DLGAP1: variants seen among roughly 807,000 people sequenced by gnomAD.
DLGAP1 encodes disks large-associated protein 1.
In DLGAP1, 11 loss-of-function variants were observed where a neutral mutation model predicts 90.8. That is an observed-to-expected ratio of 0.12 (90% confidence interval 0.08 to 0.20). The LOEUF (loss-of-function observed/expected upper bound fraction) is 0.20, where lower values mean the gene tolerates loss of function less well. Ranked by LOEUF, DLGAP1 falls within the 10% of genes least tolerant of loss-of-function variation. The pLI, the probability that DLGAP1 is intolerant of heterozygous loss-of-function variation, is 1.00. For synonymous variants in DLGAP1, 558 were observed against 540.7 expected (o/e 1.03, Z -0.44); for missense variants, 1,050 against 1,333.8 (o/e 0.79, Z 3.31).
At position 3,523,717 on chromosome 18, in the gene DLGAP1, T is replaced by G. The variant is rs181792701; in HGVS notation, c.2479+10477A>C. 5.2e-3 allele frequency among the ~76,000 whole-genome samples: 793 copies of G among 151,714 alleles called. 3 individuals carry two copies. The highest frequency in any genetic ancestry group is 0.015 in the South Asian group (71 of 4,802). On this transcript the variant is annotated intron_variant, in intron 10 of 12. Coordinates refer to ENST00000315677, the MANE Select transcript of DLGAP1 (RefSeq NM_004746.4). Reference sequence around the variant, plus strand: ...AAAAAATTAGCCAGGCGTGGTGGCGTGCGCCCGTAGTCCCAGCTACACTGG... The same window carrying G: ...AAAAAATTAGCCAGGCGTGGTGGCGGGCGCCCGTAGTCCCAGCTACACTGG...
At chr18:3,801,755 A>G (rs1011085158) in intron 5 of DLGAP1, among the ~76,000 whole-genome samples, 3 of 152,236 alleles carry the variant, frequency 2.0e-5, no homozygotes, top group Admixed American at 2.0e-4. Context: ...TAAAGAAGCC[A>G]AAAGAAAAAA....
chr18:4,037,197 AAGAAC>A (rs2074902852), intron 2 of DLGAP1, among the ~76,000 whole-genome samples: 1 of 152,198 alleles, frequency 6.6e-6, no homozygotes, highest in Admixed American at 6.5e-5. Flanking sequence ...AAGAAGGATA[AAGAAC>A]ACCAGTTTAG....
chr18:4,419,626 A>G (rs896517849), intron 1 of DLGAP1, among the ~76,000 whole-genome samples: 1 of 148,892 alleles, frequency 6.7e-6, no homozygotes, highest in Non-Finnish European at 1.5e-5. Context: ...TGTTAAATTT[A>G]TGAAAATAAT....
chr18:3,962,038 G>C (rs2073209563), intron 3 of DLGAP1, among the ~76,000 whole-genome samples: 1 of 152,048 alleles, frequency 6.6e-6, no homozygotes, highest in Admixed American at 6.5e-5. Flanking sequence ...ATCTTTCTTT[G>C]GTACAAGACA....
intron 7 of DLGAP1, among the ~76,000 whole-genome samples, chr18:3,600,911 G>GATATAT (rs1490281476): frequency 2.7e-5 from 2 of 74,492 alleles, no homozygotes; most frequent in East Asian, 3.0e-4. Context: ...TAGATATATA[G>GATATAT]ATAGATATAG....
In DLGAP1 at chr18:4,089,159, T is replaced by C. The variant is rs1432604749; in HGVS notation, c.-159+62021A>G. Among the ~76,000 whole-genome samples the C allele has an allele frequency of 2.1e-5, 3 of 139,576 alleles. No homozygotes were observed. In the East Asian group the frequency reaches 5.8e-4, roughly 27 times the overall value. 91.6% of individuals were successfully genotyped at this position (139,576 alleles called of 152,430 possible). Reference sequence around the variant, plus strand: ...CTCAAGCATTCCTATACACCAACAATAGACAAACAGAGAGCCAAATCATGA... The same window carrying C: ...CTCAAGCATTCCTATACACCAACAACAGACAAACAGAGAGCCAAATCATGA... On this transcript the variant is annotated intron_variant, in intron 2 of 12. Transcript: ENST00000315677.
Position 3,685,972 on chromosome 18 carries a change from G to A in DLGAP1, c.1591+43163C>T, listed in dbSNP as rs922866639. The stretch of plus-strand genomic sequence containing the variant: ...GAGGATCACCTGATGTCAGGAGTTC[G>A]AGACCAGCCTGGCCAACATGATGAG... On this transcript the variant is annotated intron_variant, in intron 7 of 12. Coordinates refer to ENST00000315677, the MANE Select transcript of DLGAP1 (RefSeq NM_004746.4). Among the ~76,000 whole-genome samples the A allele has an allele frequency of 8.5e-5, 13 of 152,174 alleles. No individual in the cohort carries two copies. The East Asian group carries it at 2.5e-3, about 30-fold the overall frequency.
chr18:3,658,480 T>C lies in DLGAP1; in HGVS notation c.1591+70655A>G, dbSNP rs189346983. On this transcript the variant is annotated intron_variant, in intron 7 of 12. Coordinates refer to ENST00000315677, the MANE Select transcript of DLGAP1 (RefSeq NM_004746.4). ...AGATCTTCATAAAGGGGGTAATCAT[T>C]TAATTGAACAAGACAAATGGAAGTA... 1.4e-4 allele frequency among the ~76,000 whole-genome samples: 22 copies of C among 152,318 alleles called. No homozygotes were observed. In the East Asian group the frequency reaches 4.2e-3, roughly 29 times the overall value.
At chr18:4,183,017 A>G (rs1003142786) in intron 1 of DLGAP1, among the ~76,000 whole-genome samples, 4 of 152,146 alleles carry the variant, frequency 2.6e-5, no homozygotes, top group African/African-American at 9.7e-5. Flanking sequence ...ACATGTCCCT[A>G]TTATTTCAAA....
chr18:3,659,442 A>ACCCCCC (rs1339165633), intron 7 of DLGAP1, among the ~76,000 whole-genome samples: 2 of 94,254 alleles, frequency 2.1e-5, no homozygotes, highest in African/African-American at 1.3e-4. Flanking sequence ...CACGGATGCT[A>ACCCCCC]CCACCCCCCG....
rs548276670 is a variant in DLGAP1 at position 3,791,116 on chromosome 18, T to C, written c.1172+22943A>G. On this transcript the variant is annotated intron_variant, in intron 5 of 12. Coordinates refer to ENST00000315677, the MANE Select transcript of DLGAP1 (RefSeq NM_004746.4). ...TGCGGCAATAAAGACCTGTCAACTA[T>C]GATGATGTTTCTGGGGAACGGTGGG... Among the ~76,000 whole-genome samples the C allele has an allele frequency of 1.7e-4, 26 of 152,228 alleles. No individual in the cohort carries two copies. In the South Asian group the frequency reaches 5.2e-3, roughly 30 times the overall value.
intron 5 of DLGAP1, among the ~76,000 whole-genome samples, chr18:3,752,103 C>T (rs1454431478): frequency 1.3e-5 from 2 of 151,598 alleles, no homozygotes; most frequent in African/African-American, 2.4e-5. Flanking sequence ...AGGCTGGTCT[C>T]GAACTCCTGA....
intron 1 of DLGAP1, among the ~76,000 whole-genome samples, chr18:4,252,511 G>GA (rs33979673): frequency 0.39 from 59,904 of 152,014 alleles, 16,583 homozygotes; most frequent in African/African-American, 0.79. Flanking sequence ...AGTCAGAAAA[G>GA]AAAAAAGCAG....
chr18:4,207,865 T>C (rs1521431), intron 1 of DLGAP1, among the ~76,000 whole-genome samples: 22,668 of 152,014 alleles, frequency 0.15, 4,627 homozygotes, highest in African/African-American at 0.46. Context: ...TTTTCCCCTA[T>C]TAAAAAATCA....
chr18:3,683,742 G>A (rs1318257406), intron 7 of DLGAP1, among the ~76,000 whole-genome samples: 2 of 152,106 alleles, frequency 1.3e-5, no homozygotes, highest in Non-Finnish European at 2.9e-5. Context: ...ACTGTAAAAG[G>A]CAAACATCGT....
rs79429188 is a variant in DLGAP1 at position 4,392,560 on chromosome 18, G to T, written c.-267+62446C>A. On this transcript the variant is annotated intron_variant, in intron 1 of 12. Transcript: ENST00000315677. The stretch of plus-strand genomic sequence containing the variant: ...CCTTCTTGAGGACAACTAGTTAAAA[G>T]AGAGTGCTGCTAGGTCTCTTCCCTT... Among the ~76,000 whole-genome samples, 335 of 152,270 alleles carry T rather than the reference G, an allele frequency of 2.2e-3. 2 individuals carry two copies. The highest frequency in any genetic ancestry group is 7.3e-3 in the African/African-American group (305 of 41,542).
At chr18:4,151,961 G>A (rs911984697) in intron 1 of DLGAP1, among the ~76,000 whole-genome samples, 1 of 152,126 alleles carries the variant, frequency 6.6e-6, no homozygotes, top group African/African-American at 2.4e-5. Context: ...ATGTATCCCA[G>A]AACTTAAAGT....
intron 5 of DLGAP1, among the ~76,000 whole-genome samples, chr18:3,763,879 C>G (rs1261528535): frequency 6.6e-6 from 1 of 152,070 alleles, no homozygotes; most frequent in African/African-American, 2.4e-5. Flanking sequence ...TCAGGCTGGT[C>G]GCGAACTACT....
At chr18:3,761,155 T>A (rs1308310139) in intron 5 of DLGAP1, among the ~76,000 whole-genome samples, 1 of 152,206 alleles carries the variant, frequency 6.6e-6, no homozygotes. Flanking sequence ...ATAGTCACAT[T>A]TTTGTGCAAT....
Sources: gnomAD v4.1 joint callset for allele counts (sites outside exome capture counted in the v4.1 genomes callset) on GRCh38, gnomAD v4.1.1 for gene constraint, MANE v1.5 for transcripts, NCBI Gene and HGNC (gene_info 2026-07-23, HGNC 2026-07-21) for gene names.